The following PRKCZ variants were observed in gnomAD, a reference collection of about 807,000 sequenced individuals.
PRKCZ encodes the protein protein kinase C zeta.
In PRKCZ, 33 loss-of-function variants were observed where a neutral mutation model predicts 79.5. That is an observed-to-expected ratio of 0.41 (90% CI 0.31 to 0.55). The LOEUF (loss-of-function observed/expected upper bound fraction) is 0.55. Ranked by LOEUF, PRKCZ falls within the 20% of genes least tolerant of loss-of-function variation. PRKCZ has a pLI of 0.19. For synonymous variants in PRKCZ, 342 were observed against 320.9 expected (o/e 1.07, Z -0.70); for missense variants, 578 against 813.5 (o/e 0.71, Z 3.52).
chr1:2,175,423 C>T (rs1272342501), intron 16 of PRKCZ, 110 bp downstream of exon 16: 1 of 854,956 alleles, frequency 1.2e-6, no homozygotes, highest in African/African-American at 1.8e-5. Flanking sequence ...CACCCCACCC[C>T]ATCCGAACCC....
At chr1:2,065,407 G>A (rs956841010) in intron 4 of PRKCZ, among the ~76,000 whole-genome samples, 5 of 152,148 alleles carry the variant, frequency 3.3e-5, no homozygotes, top group South Asian at 2.1e-4. Context: ...GGCCGGGCGC[G>A]GTGGCTCACG....
chr1:2,057,740 C>T (rs1660308934), intron 3 of PRKCZ, among the ~76,000 whole-genome samples: 1 of 152,162 alleles, frequency 6.6e-6, no homozygotes, highest in South Asian at 2.1e-4. Flanking sequence ...GAGTCTGGCT[C>T]TGTCCCCAGG....
chr1:2,107,710 C>T (rs1274265688), intron 4 of PRKCZ, among the ~76,000 whole-genome samples: 2 of 152,062 alleles, frequency 1.3e-5, no homozygotes, highest in African/African-American at 4.8e-5. Flanking sequence ...TCTACCCGGG[C>T]TGTGCCTCTC....
intron 10 of PRKCZ, among the ~76,000 whole-genome samples, chr1:2,166,676 C>T (rs1250814008): frequency 7.1e-6 from 1 of 140,948 alleles, no homozygotes; most frequent in Non-Finnish European, 1.6e-5. Context: ...GCAGCCTCAG[C>T]CCCCCCCAGG....
intron 4 of PRKCZ, among the ~76,000 whole-genome samples, chr1:2,068,704 C>T (rs1197053608): frequency 6.6e-6 from 1 of 152,224 alleles, no homozygotes; most frequent in East Asian, 1.9e-4. Flanking sequence ...GGTGGGAGTG[C>T]TGGGTGGTCT....
Position 2,175,314 on chromosome 1 carries a change from G to A in PRKCZ, c.1575+1G>A. ...CTTCCGCAGCATAGACTGGGACTTG[G>A]TAAAGCATCACAAAGCCTATTTGCA... is the stretch of plus-strand genomic sequence containing the variant. On this transcript the variant is annotated splice_donor_variant, in intron 16 of 17. Transcript: ENST00000378567. LOFTEE classifies it high-confidence loss of function. The A allele has an allele frequency of 6.2e-7, 1 of 1,611,604 alleles. No individual in the cohort carries two copies. The highest frequency in any genetic ancestry group is 2.2e-5 in the East Asian group (1 of 44,862).
intron 4 of PRKCZ, among the ~76,000 whole-genome samples, chr1:2,105,224 G>A (rs1053191321): frequency 7.9e-5 from 12 of 152,138 alleles, no homozygotes; most frequent in Non-Finnish European, 1.5e-4. Flanking sequence ...CGGCACTGCC[G>A]CCCAGCAGGT....
chr1:2,122,153 C>CGTG (rs1553154706), intron 4 of PRKCZ, among the ~76,000 whole-genome samples: 1 of 1,106 alleles, frequency 9.0e-4, no homozygotes, highest in African/African-American at 6.0e-3. Flanking sequence ...TGGTTAGGGT[C>CGTG]GTGGTGGTTA....
chr1:2,051,380 A>G (rs1659634960), intron 1 of PRKCZ, among the ~76,000 whole-genome samples: 1 of 152,182 alleles, frequency 6.6e-6, no homozygotes, highest in South Asian at 2.1e-4. Context: ...GGGCTGCACC[A>G]GGTGGCCGGG....
chr1:2,060,180 A>T (rs1362750188), intron 4 of PRKCZ, among the ~76,000 whole-genome samples: 1 of 152,118 alleles, frequency 6.6e-6, no homozygotes, highest in Admixed American at 6.5e-5. Context: ...TCCAGACCCC[A>T]CACGGCCTCC....
intron 4 of PRKCZ, among the ~76,000 whole-genome samples, chr1:2,101,893 G>A (rs914395885): frequency 1.3e-4 from 20 of 152,198 alleles, no homozygotes; most frequent in Admixed American, 5.2e-4. Context: ...TACAGCGGGC[G>A]TGGTGGATTT....
intron 4 of PRKCZ, among the ~76,000 whole-genome samples, chr1:2,060,927 C>T (rs964703740): frequency 1.3e-5 from 2 of 152,200 alleles, no homozygotes; most frequent in African/African-American, 4.8e-5. Context: ...TCTGGGTGCC[C>T]ACGCCTCACG....
At chr1:2,152,059 C>T (rs1160397203) in intron 9 of PRKCZ, among the ~76,000 whole-genome samples, 1 of 152,098 alleles carries the variant, frequency 6.6e-6, no homozygotes, top group African/African-American at 2.4e-5. Context: ...CTATATTGCC[C>T]AGGCTGGTCT....
intron 4 of PRKCZ, among the ~76,000 whole-genome samples, chr1:2,115,072 C>T (rs943585088): frequency 6.6e-6 from 1 of 152,266 alleles, no homozygotes; most frequent in Admixed American, 6.5e-5. Context: ...CCAGGCGTAA[C>T]CTACCCGTCC....
At chr1:2,169,490 G>A (rs368961461) in intron 10 of PRKCZ, 28 bp from the exon 11 acceptor site, 52 of 1,544,296 alleles carry the variant, frequency 3.4e-5, no homozygotes, top group African/African-American at 5.5e-5. Flanking sequence ...CGAGGTGACT[G>A]CAGCCTCCGG....
chr1:2,079,042 C>A (rs974156258), intron 4 of PRKCZ, among the ~76,000 whole-genome samples: 1 of 152,140 alleles, frequency 6.6e-6, no homozygotes, highest in Non-Finnish European at 1.5e-5. Flanking sequence ...CGGGGTTTCA[C>A]CGTGTTAGCC....
chr1:2,095,421 G>A (rs537424802), intron 4 of PRKCZ, among the ~76,000 whole-genome samples: 6 of 152,254 alleles, frequency 3.9e-5, no homozygotes, highest in South Asian at 4.1e-4. Flanking sequence ...GGCCACAACC[G>A]GTGCCCAGTG....
intron 5 of PRKCZ, chr1:2,142,209 G>A (rs1677484129): frequency 6.9e-6 from 2 of 289,276 alleles, no homozygotes; most frequent in Non-Finnish European, 1.3e-5. Flanking sequence ...CAGCCGAAGC[G>A]CCTCCTTTCA....
In PRKCZ at chr1:2,174,518, A is replaced by G. The variant is rs1057201122; in HGVS notation, c.1406-236A>G. 6.6e-6 allele frequency among the ~76,000 whole-genome samples: 1 copy of G among 152,202 alleles called. No individual in the cohort carries two copies. The highest frequency in any genetic ancestry group is 2.4e-5 in the African/African-American group (1 of 41,464). On this transcript the variant is annotated intron_variant, in intron 14 of 17. Coordinates refer to ENST00000378567, the MANE Select transcript of PRKCZ (RefSeq NM_002744.6). The surrounding 1 kb of genome is among the most constrained non-coding windows in gnomAD (Gnocchi z 6.2). ...GTACCTGCGATCTTGGGGCTGAGGA[A>G]GGGGAGCTGCTGGTTCACGTCCGAT...
Sources: allele counts gnomAD v4.1 joint callset (sites outside exome capture counted in the v4.1 genomes callset), GRCh38; gene constraint gnomAD v4.1.1; non-coding constraint Gnocchi (gnomAD v3.1); transcripts MANE v1.5; gene names NCBI Gene and HGNC (gene_info 2026-07-23, HGNC 2026-07-21).